Variants in PCDHA4 observed in about 807,000 individuals in gnomAD.
PCDHA4 encodes protocadherin alpha 4.
Under a neutral mutation model 61.4 loss-of-function variants are expected in PCDHA4, and 49 were observed. The ratio of observed to expected loss-of-function variants is 0.80; its 90% CI spans 0.63 to 1.01. The LOEUF (loss-of-function observed/expected upper bound fraction) is 1.01, where lower values mean the gene tolerates loss of function less well. PCDHA4 is among the 50% of genes least tolerant of loss of function. PCDHA4 has a pLI of 0.00. For synonymous variants in PCDHA4, 590 were observed against 550.3 expected (o/e 1.07, Z -1.01); for missense variants, 1,254 against 1,235.8 (o/e 1.01, Z -0.22).
intron 1 of PCDHA4, chr5:140,830,193 T>G: frequency 6.2e-7 from 1 of 1,613,664 alleles, no homozygotes; most frequent in Non-Finnish European, 8.5e-7. Flanking sequence ...GTGTACCTGA[T>G]CATCGCCATC....
At chr5:140,905,360 T>C (rs2071771480) in intron 1 of PCDHA4, among the ~76,000 whole-genome samples, 2 of 152,238 alleles carry the variant, frequency 1.3e-5, no homozygotes, top group Non-Finnish European at 2.9e-5. Context: ...TTTGACTATA[T>C]TTCTGGTTCT....
intron 3 of PCDHA4, among the ~76,000 whole-genome samples, chr5:140,994,520 T>C (rs2097631658): frequency 6.8e-6 from 1 of 147,840 alleles, no homozygotes; most frequent in African/African-American, 2.6e-5. Context: ...CTGGGCAACA[T>C]GGCAAAACCC....
At chr5:140,858,469 C>T (rs782532416) in intron 1 of PCDHA4, 2 of 1,520,006 alleles carry the variant, frequency 1.3e-6, no homozygotes, top group African/African-American at 1.4e-5. Context: ...TCCTTTTGTG[C>T]TTTATGAATA....
intron 1 of PCDHA4, chr5:140,852,597 C>A (rs1410004907): frequency 2.6e-5 from 23 of 879,650 alleles, no homozygotes; most frequent in Non-Finnish European, 2.9e-5. Flanking sequence ...TTTTTTTTGT[C>A]ATTTTCTTTC....
At chr5:140,835,757 C>G (rs1467581889) in intron 1 of PCDHA4, 5 of 1,613,396 alleles carry the variant, frequency 3.1e-6, no homozygotes, top group African/African-American at 1.3e-5. Context: ...TCGCGCAGCC[C>G]GAGTATACGG....
rs1412430465 is a variant in PCDHA4 at position 141,010,516 on chromosome 5, A to C, written c.*579A>C. On this transcript the variant is annotated 3_prime_UTR_variant, in exon 4 of 4. Transcript: ENST00000530339. ...CCAGACTTTCTAAATCTTACAACTC[A>C]AGAGGTGGCAGCCACCCTCTAGGAG... 4.2e-6 allele frequency: 2 copies of C among 477,698 alleles called. No individual in the cohort carries two copies. The highest frequency in any genetic ancestry group is 7.8e-5 in the Admixed American group (2 of 25,754). The allele number at this position is 477,698 out of a possible 1,614,324, so 29.6% of individuals were successfully genotyped here.
At chr5:140,862,914 T>G (rs1324923018) in intron 1 of PCDHA4, 1 of 548,316 alleles carries the variant, frequency 1.8e-6, no homozygotes, top group African/African-American at 2.0e-5. Flanking sequence ...TGCTGGCGCC[T>G]TGGGTGGGCT....
At chr5:140,900,079 C>T (rs1289822790) in intron 1 of PCDHA4, among the ~76,000 whole-genome samples, 11 of 152,066 alleles carry the variant, frequency 7.2e-5, no homozygotes, top group East Asian at 3.9e-4. Context: ...AAAAGTGCTG[C>T]AGTTACAAGC....
rs2096251050 is a variant in PCDHA4, at chr5:140,968,498, C to T, written c.2386-10451C>T. 3 of 1,614,190 alleles carry T rather than the reference C, an allele frequency of 1.9e-6. No individual in the cohort carries two copies. The highest frequency in any genetic ancestry group is 2.5e-6 in the Non-Finnish European group (3 of 1,180,042). The stretch of plus-strand genomic sequence containing the variant: ...GGTGGACATGAATGACCATGCCCCT[C>T]ACATTCTGTACCCTACCTCAACCAA... On this transcript the variant is annotated intron_variant, in intron 1 of 3. Coordinates refer to ENST00000530339, the MANE Select transcript of PCDHA4 (RefSeq NM_018907.4).
At chr5:140,949,657 T>G (rs908826690) in intron 1 of PCDHA4, among the ~76,000 whole-genome samples, 2 of 151,876 alleles carry the variant, frequency 1.3e-5, no homozygotes, top group Non-Finnish European at 3.0e-5. Flanking sequence ...TTTACTTTTG[T>G]TTCTTTAAAG....
chr5:140,838,280 ATT>A lies in PCDHA4; in HGVS notation c.2385+28722_2385+28723del, dbSNP rs2150286950. Among the ~76,000 whole-genome samples, 385 of 139,594 alleles carry A rather than the reference ATT, an allele frequency of 2.8e-3. 5 individuals are homozygous for A. Among genetic ancestry groups the A allele is most frequent in the Middle Eastern group, 0.014 (4 of 280 alleles). 91.6% of individuals were successfully genotyped at this position (139,594 alleles called of 152,430 possible). The stretch of plus-strand genomic sequence containing the variant: ...AGACGCCAACAACCAAGCCATGCTA[ATT>A]TTTTTTTTTTTTTGTATTTTTAGTA... On this transcript the variant is annotated intron_variant, in intron 1 of 3. Coordinates refer to ENST00000530339, the MANE Select transcript of PCDHA4 (RefSeq NM_018907.4).
chr5:140,882,927 C>A, intron 1 of PCDHA4: 1 of 1,614,104 alleles, frequency 6.2e-7, no homozygotes. Context: ...GGAGGTAAAC[C>A]CGAGCTGACT....
intron 1 of PCDHA4, among the ~76,000 whole-genome samples, chr5:140,925,025 C>T (rs1180931899): frequency 6.6e-6 from 1 of 151,492 alleles, no homozygotes; most frequent in Non-Finnish European, 1.5e-5. Context: ...ATGGGAGGAT[C>T]GCTTGAGCCC....
intron 1 of PCDHA4, chr5:140,858,510 T>C: frequency 2.1e-6 from 3 of 1,437,158 alleles, no homozygotes; most frequent in African/African-American, 1.4e-5. Flanking sequence ...TTCTCAAATA[T>C]GTATCAGAAT....
At chr5:140,974,647 G>GATT (rs2096635431) in intron 1 of PCDHA4, among the ~76,000 whole-genome samples, 1 of 152,068 alleles carries the variant, frequency 6.6e-6, no homozygotes, top group African/African-American at 2.4e-5. Context: ...GAGTAGCTGA[G>GATT]ATTACAGGCA....
At chr5:140,871,334 T>G (rs1554165439) in intron 1 of PCDHA4, 1 of 1,614,044 alleles carries the variant, frequency 6.2e-7, no homozygotes, top group African/African-American at 1.3e-5. Flanking sequence ...TCCCGCGCGG[T>G]GGGGAGCTGG....
chr5:140,993,828 A>G (rs1170306716), intron 3 of PCDHA4, among the ~76,000 whole-genome samples: 1 of 152,226 alleles, frequency 6.6e-6, no homozygotes, highest in East Asian at 1.9e-4. Context: ...AGGCTATACC[A>G]TATAGCCTAG....
intron 1 of PCDHA4, among the ~76,000 whole-genome samples, chr5:140,959,089 C>T (rs150796442): frequency 0.023 from 3,565 of 152,100 alleles, 49 homozygotes; most frequent in Middle Eastern, 0.034. Context: ...TCCTTGGTTT[C>T]GGACATTCAG....
At chr5:140,959,611 C>T (rs2095501064) in intron 1 of PCDHA4, among the ~76,000 whole-genome samples, 1 of 151,848 alleles carries the variant, frequency 6.6e-6, no homozygotes, top group Non-Finnish European at 1.5e-5. Context: ...GCTTTTCTTG[C>T]TTGTGATAGA....
Sources: allele counts gnomAD v4.1 joint callset (sites outside exome capture counted in the v4.1 genomes callset), GRCh38; gene constraint gnomAD v4.1.1; transcripts MANE v1.5; gene names NCBI Gene and HGNC (gene_info 2026-07-23, HGNC 2026-07-21).